PC: variants seen among roughly 807,000 people sequenced by gnomAD.
PC encodes pyruvate carboxylase, mitochondrial.
Under a neutral mutation model 107.8 loss-of-function variants are expected in PC, and 46 were observed. The ratio of observed to expected loss-of-function variants is 0.43; its 90% CI spans 0.34 to 0.55. The LOEUF (loss-of-function observed/expected upper bound fraction) is 0.55. Among genes scored for constraint, PC ranks in the 20% least tolerant of loss-of-function variants. PC has a pLI of 0.04. For missense variants in PC, 1,241 were observed against 1,643.1 expected (o/e 0.76, Z 4.23); for synonymous variants, 662 against 684.7 (o/e 0.97, Z 0.52).
chr11:66,950,094 C>T (rs981258902), intron 3 of PC, among the ~76,000 whole-genome samples: 1 of 152,154 alleles, frequency 6.6e-6, no homozygotes, highest in African/African-American at 2.4e-5. Context: ...ACAGCATGTA[C>T]ATGAGAAGAG....
At chr11:66,895,130 G>A (rs1947709548) in intron 3 of PC, among the ~76,000 whole-genome samples, 1 of 152,174 alleles carries the variant, frequency 6.6e-6, no homozygotes, top group Non-Finnish European at 1.5e-5. Context: ...TTTCTGGGGA[G>A]GGAAAAGTGT....
rs2380757 is a variant in PC at position 66,872,941 on chromosome 11, G to A, written c.1-782C>T. On this transcript the variant is annotated intron_variant, in intron 3 of 22. Coordinates refer to ENST00000393960, the MANE Select transcript of PC (RefSeq NM_001040716.2). ...AATTCTAGCTACTCAGGAGGCTGAGGCACGAGAATCGCTTGAACCTAGAAG... is the reference window on the plus strand; with the variant it reads ...AATTCTAGCTACTCAGGAGGCTGAGACACGAGAATCGCTTGAACCTAGAAG... 9.3e-3 allele frequency among the ~76,000 whole-genome samples: 1,416 copies of A among 152,010 alleles called. 15 individuals carry two copies. Among genetic ancestry groups the A allele is most frequent in the Middle Eastern group, 0.017 (5 of 294 alleles).
intron 11 of PC, among the ~76,000 whole-genome samples, chr11:66,864,533 CTTCCTTTCCT>C (rs753180109): frequency 6.6e-6 from 1 of 152,240 alleles, no homozygotes; most frequent in African/African-American, 2.4e-5. Context: ...CCCATGCTCC[CTTCCTTTCCT>C]TTCCTTTCCT....
chr11:66,864,037 G>A (rs1946389982), intron 11 of PC, 81 bp from the exon 12 acceptor site: 2 of 1,395,390 alleles, frequency 1.4e-6, no homozygotes, highest in Non-Finnish European at 2.0e-6. Flanking sequence ...CTGGCCAGGT[G>A]TGCACCCAGC....
At chr11:66,940,372 G>GT (rs1210812499) in intron 3 of PC, among the ~76,000 whole-genome samples, 6 of 151,840 alleles carry the variant, frequency 4.0e-5, no homozygotes, top group Admixed American at 1.3e-4. Flanking sequence ...GAATCAGGTG[G>GT]TTTTTTGTGT....
intron 12 of PC, among the ~76,000 whole-genome samples, chr11:66,855,496 G>A (rs151077944): frequency 0.012 from 1,803 of 152,164 alleles, 33 homozygotes; most frequent in Middle Eastern, 0.031. Flanking sequence ...ATGGGGTTTC[G>A]CCATGTTTGC....
At position 66,850,970 on chromosome 11, in the gene PC, G is replaced by C. The variant is rs762699785; in HGVS notation, c.2224-47C>G. On this transcript the variant is annotated intron_variant, in intron 17 of 22. Transcript: ENST00000393960. ...GAGAGAGAGATGGTAGAGAGGGCAG[G>C]ATGTGTGCCTGTGGGTGGCGGGGAC... 2.5e-6 allele frequency: 4 copies of C among 1,608,182 alleles called. No homozygotes were observed. The African/African-American group carries it at 5.3e-5, about 21-fold the overall frequency.
chr11:66,872,303 T>G, intron 3 of PC, 144 bp from the exon 4 acceptor site: 1 of 978,480 alleles, frequency 1.0e-6, no homozygotes, highest in Non-Finnish European at 1.6e-6. Flanking sequence ...AGCCCAACAT[T>G]TCCTGGCTCT....
chr11:66,916,436 G>T (rs1948464625), intron 3 of PC, among the ~76,000 whole-genome samples: 1 of 152,132 alleles, frequency 6.6e-6, no homozygotes, highest in African/African-American at 2.4e-5. Context: ...GGTTAAGGAG[G>T]ACTTCACCGT....
At chr11:66,917,434 T>C (rs963994310) in intron 3 of PC, among the ~76,000 whole-genome samples, 14 of 152,264 alleles carry the variant, frequency 9.2e-5, no homozygotes, top group Admixed American at 9.2e-4. Context: ...CAAATTGGCG[T>C]AGGTTTCCAG....
rs533988990 is a variant in PC, at chr11:66,904,803, G to C, written c.1-32644C>G. On this transcript the variant is annotated intron_variant, in intron 3 of 22. Transcript: ENST00000393960. ...CTGTGGGAAGGGAACGGCATTAAGA[G>C]GAACGGCATTAAGAGTTAAACCTTG... Among the ~76,000 whole-genome samples the C allele has an allele frequency of 1.3e-3, 196 of 152,346 alleles. No homozygotes were observed. The Middle Eastern group carries it at 0.024, about 19-fold the overall frequency.
At chr11:66,856,550 C>T (rs1057173869) in intron 12 of PC, 3 of 152,568 alleles carry the variant, frequency 2.0e-5, no homozygotes, top group Non-Finnish European at 2.9e-5. Context: ...CCACGTGACT[C>T]GGTGATGCAG....
At chr11:66,849,577 G>A (rs1001429565) in intron 21 of PC, 34 bp downstream of exon 21, 4 of 1,613,918 alleles carry the variant, frequency 2.5e-6, no homozygotes, top group Admixed American at 1.7e-5. Flanking sequence ...CAGGGGGCCA[G>A]GGTGGAGTGT....
intron 12 of PC, among the ~76,000 whole-genome samples, chr11:66,863,515 G>A (rs1946363296): frequency 6.6e-6 from 1 of 152,202 alleles, no homozygotes; most frequent in African/African-American, 2.4e-5. Context: ...AACAAGACTA[G>A]ACAGGAGGCA....
At chr11:66,933,081 T>C (rs1294893008) in intron 3 of PC, among the ~76,000 whole-genome samples, 3 of 152,110 alleles carry the variant, frequency 2.0e-5, no homozygotes, top group African/African-American at 7.2e-5. Flanking sequence ...GTAAATCTGT[T>C]TGCTAGGAGG....
intron 3 of PC, among the ~76,000 whole-genome samples, chr11:66,875,704 G>A (rs1054625361): frequency 3.9e-5 from 6 of 152,080 alleles, no homozygotes; most frequent in Non-Finnish European, 8.8e-5. Context: ...GCTGGGAAGG[G>A]GCCACTGCGG....
intron 3 of PC, among the ~76,000 whole-genome samples, chr11:66,946,704 G>T (rs1039996356): frequency 6.6e-6 from 1 of 152,068 alleles, no homozygotes; most frequent in Non-Finnish European, 1.5e-5. Flanking sequence ...TGGGAGGATC[G>T]CTTGAGCATG....
At chr11:66,853,045 CTCAGA>C (rs1945600566) in intron 13 of PC, 189 bp downstream of exon 13, 1 of 712,118 alleles carries the variant, frequency 1.4e-6, no homozygotes, top group African/African-American at 1.8e-5. Context: ...GGTGGGGTCT[CTCAGA>C]TCAGAAGCAA....
Position 66,871,961 on chromosome 11 carries a change from G to A in PC, c.136+63C>T, listed in dbSNP as rs1216805106. ...AAGCCAGGGCCTGGGGCAGTGAGTGGGAGAAGAATGCCAAGGCTGGGGCGG... is the reference window on the plus strand; with the variant it reads ...AAGCCAGGGCCTGGGGCAGTGAGTGAGAGAAGAATGCCAAGGCTGGGGCGG... On this transcript the variant is annotated intron_variant, in intron 4 of 22. Coordinates refer to ENST00000393960, the MANE Select transcript of PC (RefSeq NM_001040716.2). This position sits in a 1 kb window ranked among gnomAD's most constrained non-coding sequence, Gnocchi z 7.4. 1.3e-6 allele frequency: 2 copies of A among 1,563,442 alleles called. No homozygotes were observed. The highest frequency in any genetic ancestry group is 1.7e-6 in the Non-Finnish European group (2 of 1,154,238).
Sources: allele counts gnomAD v4.1 joint callset (sites outside exome capture counted in the v4.1 genomes callset), GRCh38; gene constraint gnomAD v4.1.1; non-coding constraint Gnocchi (gnomAD v3.1); transcripts MANE v1.5; gene names NCBI Gene and HGNC (gene_info 2026-07-23, HGNC 2026-07-21).